DOCK6: variants seen among roughly 807,000 people sequenced by gnomAD.
DOCK6 encodes dedicator of cytokinesis 6.
DOCK6 carries 167 observed loss-of-function variants against 230.3 expected under a neutral mutation model. That is an observed-to-expected ratio of 0.73 (90% CI 0.64 to 0.82). The LOEUF is 0.82. Ranked by LOEUF, DOCK6 falls within the 40% of genes least tolerant of loss-of-function variation. DOCK6 has a pLI of 0.00. For missense variants in DOCK6, 2,598 were observed against 2,825.8 expected (o/e 0.92, Z 1.83); for synonymous variants, 1,148 against 1,185.0 (o/e 0.97, Z 0.64).
Position 11,236,159 on chromosome 19 carries a change from C to T in DOCK6, c.2392+187G>A, listed in dbSNP as rs1291222549. On this transcript the variant is annotated intron_variant, in intron 20 of 47. Coordinates refer to ENST00000294618, the MANE Select transcript of DOCK6 (RefSeq NM_020812.4). This position sits in a 1 kb window ranked among gnomAD's most constrained non-coding sequence, Gnocchi z 5.2. ...CCTCCCAAAGTGCTGGGATGACAGGCGTGAACCGCTGCACCCGGGCCAAAG... is the reference window on the plus strand; with the variant it reads ...CCTCCCAAAGTGCTGGGATGACAGGTGTGAACCGCTGCACCCGGGCCAAAG... 1.4e-5 allele frequency: 9 copies of T among 656,978 alleles called. No homozygotes were observed. Among genetic ancestry groups the T allele is most frequent in the African/African-American group, 3.6e-5 (2 of 54,848 alleles). 40.7% of individuals were successfully genotyped at this position (656,978 alleles called of 1,614,324 possible). A position where few individuals can be genotyped will look rare whatever the true frequency, so the allele number is the denominator to read the frequency against.
At chr19:11,227,580 G>T in intron 23 of DOCK6, 103 bp from the exon 24 acceptor site, 1 of 1,405,772 alleles carries the variant, frequency 7.1e-7, no homozygotes, top group South Asian at 1.4e-5. Context: ...GGGCTTGAAG[G>T]ACTGTGGGTG....
chr19:11,235,589 C>T lies in DOCK6; in HGVS notation c.2554+9G>A. On this transcript the variant is annotated intron_variant, in intron 21 of 47. Transcript: ENST00000294618. ...ATTTCTCGTCTCACAGGGATTTCTA[C>T]AAACTCACCATCCGGGAGGCTGGGC... is the stretch of plus-strand genomic sequence containing the variant. 1 of 1,576,216 alleles carries T rather than the reference C, an allele frequency of 6.3e-7. No individual in the cohort carries two copies. Among genetic ancestry groups the T allele is most frequent in the Middle Eastern group, 1.7e-4 (1 of 5,972 alleles).
intron 14 of DOCK6, chr19:11,239,919 C>G (rs1439436787): frequency 6.3e-7 from 1 of 1,585,918 alleles, no homozygotes; most frequent in Admixed American, 1.8e-5. Context: ...TTCGGGCAAG[C>G]CTGTTGGAGA....
In DOCK6 at chr19:11,208,714, A is replaced by T; in HGVS notation, c.5060T>A (p.Leu1687Gln). 1.2e-6 allele frequency: 2 copies of T among 1,613,018 alleles called. No individual in the cohort carries two copies. The highest frequency in any genetic ancestry group is 2.7e-5 in the African/African-American group (2 of 75,026). The change falls in exon 39 of 48, where the codon CTG becomes CAG. Residue 1687 changes from leucine to glutamine, a missense_variant. Leu to Gln is a moderately radical substitution (Grantham distance 113, BLOSUM62 -2). Coordinates refer to ENST00000294618, the MANE Select transcript of DOCK6 (RefSeq NM_020812.4). ...GGTGAAGTAGCCGGCTGCCTGTTCC[A>T]GCAACCCTACCAGCCCCAGCTCAGT... The part of the protein sequence containing the change: ...HFTELGLVGL[L>Q]EQAAGYFTMG...
intron 9 of DOCK6, among the ~76,000 whole-genome samples, chr19:11,244,618 G>A (rs1376959741): frequency 6.6e-6 from 1 of 151,848 alleles, no homozygotes; most frequent in Admixed American, 6.6e-5. Context: ...CTGCTACTAC[G>A]TCCCGCTAAT....
intron 7 of DOCK6, among the ~76,000 whole-genome samples, chr19:11,246,758 C>T (rs2080041097): frequency 1.3e-5 from 2 of 152,212 alleles, no homozygotes; most frequent in African/African-American, 4.8e-5. Context: ...GCCATTGTCA[C>T]TCTGCACGGA....
chr19:11,213,344 C>A lies in DOCK6; in HGVS notation c.4339-16G>T. 6.2e-7 allele frequency: 1 copy of A among 1,607,086 alleles called. No individual in the cohort carries two copies. Among genetic ancestry groups the A allele is most frequent in the East Asian group, 2.2e-5 (1 of 44,660 alleles). On this transcript the variant is annotated splice_polypyrimidine_tract_variant and intron_variant, in intron 34 of 47. Coordinates refer to ENST00000294618, the MANE Select transcript of DOCK6 (RefSeq NM_020812.4). ...GCTCCGGGAACTGCCCCCAAGGACC[C>A]AGACAGACACTGTCCAGCCCCTCCC...
At chr19:11,206,452 C>T (rs1239307611) in intron 39 of DOCK6, 1 of 151,574 alleles carries the variant, frequency 6.6e-6, no homozygotes, top group African/African-American at 2.4e-5. Flanking sequence ...CACTTATAGT[C>T]CCAGCTACTC....
At position 11,221,943 on chromosome 19, in the gene DOCK6, G is replaced by A. The variant is rs768610751; in HGVS notation, c.3458C>T (p.Ala1153Val). The A allele has an allele frequency of 1.9e-6, 3 of 1,613,796 alleles. No individual in the cohort carries two copies. Among genetic ancestry groups the A allele is most frequent in the Non-Finnish European group, 2.5e-6 (3 of 1,179,892 alleles). Residue 1153 changes from alanine to valine, a missense_variant, in exon 28 of 48, where the codon GCC (alanine) becomes GTC (valine). Ala to Val is a moderately conservative substitution (Grantham distance 64). Coordinates refer to ENST00000294618, the MANE Select transcript of DOCK6 (RefSeq NM_020812.4). The part of the protein sequence containing the change: ...LCGHDTDPRY[A>V]EATVKARVAE... Reference sequence around the variant, plus strand: ...CACACGAGCCTTCACAGTGGCCTCGGCGTAGCGGGGGTCAGTGTCATGGCC... The same window carrying A: ...CACACGAGCCTTCACAGTGGCCTCGACGTAGCGGGGGTCAGTGTCATGGCC...
chr19:11,220,924 A>C (rs2079569146), intron 28 of DOCK6, among the ~76,000 whole-genome samples: 1 of 148,752 alleles, frequency 6.7e-6, no homozygotes, highest in South Asian at 2.1e-4. Context: ...TCCCGTGTTC[A>C]TGCCATTCTC....
Position 11,217,327 on chromosome 19 carries a change from G to A in DOCK6, c.3615C>T (p.Asp1205=), listed in dbSNP as rs1187169777. The A allele has an allele frequency of 6.2e-7, 1 of 1,613,510 alleles. No individual in the cohort carries two copies. The highest frequency in any genetic ancestry group is 2.2e-5 in the East Asian group (1 of 44,878). ...CAGAGGGGTTGATGGTACCCGCAAT[G>A]TCCCCTTCGCCTTCTGTGTCTGAGT... ...MLDSDTEGEG[D]IAGTINPSVA... The change falls in exon 29 of 48, where the codon GAC becomes GAT. Residue 1205 remains aspartate (D), a synonymous_variant. Coordinates refer to ENST00000294618, the MANE Select transcript of DOCK6 (RefSeq NM_020812.4).
chr19:11,254,914 G>A (rs1366021850), intron 1 of DOCK6, among the ~76,000 whole-genome samples: 1 of 152,202 alleles, frequency 6.6e-6, no homozygotes, highest in Non-Finnish European at 1.5e-5. Context: ...CGTGCTTTGA[G>A]TGTGGAGACT....
At position 11,243,339 on chromosome 19, in the gene DOCK6, GTCC is replaced by G. The variant is rs1414522956; in HGVS notation, c.1302_1304del (p.Gln434_Asp435delinsHis). 1 of 1,599,608 alleles carries G rather than the reference GTCC, an allele frequency of 6.3e-7. No individual in the cohort carries two copies. The highest frequency in any genetic ancestry group is 8.5e-7 in the Non-Finnish European group (1 of 1,173,890). ...AGGCGTCGTCCCCACTACTCGCCCG[GTCC>G]TGGGGCCCCCGACGGCGGCGGTCTG... On this transcript the variant is annotated inframe_deletion, in exon 12 of 48. Coordinates refer to ENST00000294618, the MANE Select transcript of DOCK6 (RefSeq NM_020812.4). This position sits in a 1 kb window ranked among gnomAD's most constrained non-coding sequence, Gnocchi z 6.3.
At chr19:11,260,819 G>T (rs1289546636) in intron 1 of DOCK6, among the ~76,000 whole-genome samples, 2 of 126,940 alleles carry the variant, frequency 1.6e-5, no homozygotes, top group African/African-American at 2.9e-5. Flanking sequence ...GGAGGCGAAG[G>T]TTGCAGTGAG....
chr19:11,227,429 G>T lies in DOCK6; in HGVS notation c.2863C>A (p.Pro955Thr), dbSNP rs1167841086. The stretch of plus-strand genomic sequence containing the variant: ...CGTCCGGGGAAGCGCAGCTTGCGGG[G>T]TGTGTCTAGTCGCTGGCCAAGCAGC... ...HLLLGQRLDT[P>T]RKLRFPGRFL... Residue 955 changes from proline (P) to threonine (T), a missense_variant, in exon 24 of 48, where the codon CCC becomes ACC. Pro to Thr is a conservative substitution (Grantham distance 38, BLOSUM62 -1). Coordinates refer to ENST00000294618, the MANE Select transcript of DOCK6 (RefSeq NM_020812.4). 2 of 1,611,954 alleles carry T rather than the reference G, an allele frequency of 1.2e-6. No individual in the cohort carries two copies. Among genetic ancestry groups the T allele is most frequent in the Non-Finnish European group, 8.5e-7 (1 of 1,179,146 alleles).
Position 11,243,222 on chromosome 19 carries a change from G to C in DOCK6, c.1386+36C>G. On this transcript the variant is annotated intron_variant, in intron 12 of 47. Coordinates refer to ENST00000294618, the MANE Select transcript of DOCK6 (RefSeq NM_020812.4). The surrounding 1 kb of genome is among the most constrained non-coding windows in gnomAD (Gnocchi z 6.3). ...GTCCCCAGGGCTAATGCAGCCAGCG[G>C]GGAGTGGGAGAGTCCCTGGCCCCAG... The C allele has an allele frequency of 6.2e-7, 1 of 1,613,468 alleles. No homozygotes were observed. The highest frequency in any genetic ancestry group is 8.5e-7 in the Non-Finnish European group (1 of 1,179,624).
chr19:11,238,345 C>T, intron 14 of DOCK6, 41 bp from the exon 15 acceptor site: 1 of 1,543,602 alleles, frequency 6.5e-7, no homozygotes, highest in Non-Finnish European at 8.8e-7. Flanking sequence ...GACAGGGGCC[C>T]TGAAGGTGCA....
intron 30 of DOCK6, 130 bp from the exon 31 acceptor site, chr19:11,216,057 T>C: frequency 8.1e-7 from 1 of 1,239,982 alleles, no homozygotes; most frequent in Non-Finnish European, 1.1e-6. Context: ...ATTGCCTTTT[T>C]CCTCTAAATT....
intron 1 of DOCK6, among the ~76,000 whole-genome samples, chr19:11,259,054 TC>T (rs1440640659): frequency 6.6e-6 from 1 of 151,724 alleles, no homozygotes; most frequent in Non-Finnish European, 1.5e-5. Context: ...CAGGCTACTT[TC>T]TTTTTCTTTC....
Sources: gnomAD v4.1 joint callset for allele counts (sites outside exome capture counted in the v4.1 genomes callset) on GRCh38, gnomAD v4.1.1 for gene constraint, Gnocchi (gnomAD v3.1) non-coding constraint, MANE v1.5 for transcripts, NCBI Gene and HGNC (gene_info 2026-07-23, HGNC 2026-07-21) for gene names.